The following ADGRG1 variants were observed in gnomAD, a reference collection of about 807,000 sequenced individuals.
ADGRG1 encodes the protein 7-transmembrane protein with no EGF-like N-terminal domains-1.
In ADGRG1, 53 loss-of-function variants were observed where a neutral mutation model predicts 73.5. The observed-to-expected ratio is 0.72, with a 90% CI of 0.58 to 0.91. The LOEUF is 0.91. Ranked by LOEUF, ADGRG1 falls within the 40% of genes least tolerant of loss-of-function variation. The probability of loss-of-function intolerance (pLI) is 0.00; values close to 1 mark genes in which losing one functional copy is unlikely to be tolerated. For missense variants in ADGRG1, 795 were observed against 871.8 expected (o/e 0.91, Z 1.11); for synonymous variants, 394 against 374.4 (o/e 1.05, Z -0.60).
chr16:57,643,441 A>G (rs1281831808), intron 1 of ADGRG1: 1 of 428,378 alleles, frequency 2.3e-6, no homozygotes, highest in East Asian at 1.6e-4. Context: ...GAGTGCCCCA[A>G]CTTCTCCCCT....
intron 1 of ADGRG1, chr16:57,635,479 T>C: frequency 1.0e-6 from 1 of 985,370 alleles, no homozygotes; most frequent in Non-Finnish European, 1.2e-6. Flanking sequence ...TGTCTCTTCA[T>C]GGAGATCCTG....
At chr16:57,658,853 T>G in intron 10 of ADGRG1, 12 of 518,254 alleles carry the variant, frequency 2.3e-5, no homozygotes, top group South Asian at 8.4e-5. Flanking sequence ...GATGGTGCCA[T>G]GAGTTAGGGG....
intron 6 of ADGRG1, 137 bp downstream of exon 6, chr16:57,655,667 GT>G (rs2045534032): frequency 1.3e-6 from 2 of 1,584,980 alleles, no homozygotes; most frequent in South Asian, 1.1e-5. Context: ...GCACTGCAAT[GT>G]GCAAATCTCC....
rs747856449 is a variant in ADGRG1, at chr16:57,663,593, C to T, written c.*11C>T. The stretch of plus-strand genomic sequence containing the variant: ...TCCAGCCGCATCTAGGCCTCCAGCC[C>T]ACCTGCCCATGTGATGAAGCAGAGA... On this transcript the variant is annotated 3_prime_UTR_variant, in exon 14 of 14. Coordinates refer to ENST00000562631, the MANE Select transcript of ADGRG1 (RefSeq NM_201525.4). 5 of 1,612,084 alleles carry T rather than the reference C, an allele frequency of 3.1e-6. No individual in the cohort carries two copies. The highest frequency in any genetic ancestry group is 1.3e-5 in the African/African-American group (1 of 75,066).
At position 57,651,661 on chromosome 16, in the gene ADGRG1, G is replaced by C. The variant is rs781206316; in HGVS notation, c.487+39G>C. On this transcript the variant is annotated intron_variant, in intron 3 of 13. Transcript: ENST00000562631. ...CAGGCGGAGGGAACAACTGGGCAGT[G>C]GTCTAGAGGCAGGGAAGGCAAAATG... 3 of 1,593,824 alleles carry C rather than the reference G, an allele frequency of 1.9e-6. No homozygotes were observed. In the African/African-American group the frequency reaches 4.0e-5, roughly 21 times the overall value.
chr16:57,654,485 A>T (rs1225358191), intron 5 of ADGRG1, among the ~76,000 whole-genome samples: 11 of 138,574 alleles, frequency 7.9e-5, no homozygotes, highest in Admixed American at 2.4e-4. Flanking sequence ...TGGGGTAATC[A>T]TGTCTCACTG....
Position 57,638,489 on chromosome 16 carries a change from C to T in ADGRG1, c.-36+9687C>T, listed in dbSNP as rs995966966. On this transcript the variant is annotated intron_variant, in intron 1 of 13. Coordinates refer to ENST00000562631, the MANE Select transcript of ADGRG1 (RefSeq NM_201525.4). ...AGAATCTGAGCTCCCAGCCCCGCCC[C>T]GGGAGCTCTAGAAGGAAGCCAGGAG... Among the ~76,000 whole-genome samples, 9 of 152,280 alleles carry T rather than the reference C, an allele frequency of 5.9e-5. No homozygotes were observed. The South Asian group carries it at 6.2e-4, about 11-fold the overall frequency.
upstream of ADGRG1, among the ~76,000 whole-genome samples, chr16:57,625,349 G>C (rs1297942625): frequency 1.3e-5 from 2 of 152,032 alleles, no homozygotes; most frequent in Middle Eastern, 3.2e-3. Flanking sequence ...TTCCGGATCT[G>C]CACCCCATCC....
At chr16:57,622,982 A>C (rs1458765103), upstream of ADGRG1, 4 of 985,318 alleles carry the variant, frequency 4.1e-6, no homozygotes, top group Non-Finnish European at 4.8e-6. Context: ...GCTCAAGGCC[A>C]TTTCTTGTTG....
upstream of ADGRG1, chr16:57,627,804 C>T (rs1321351742): frequency 1.0e-6 from 1 of 985,368 alleles, no homozygotes; most frequent in Non-Finnish European, 1.2e-6. Flanking sequence ...GAGAAGGGCA[C>T]TGAACCCCAG....
chr16:57,634,929 A>G, intron 1 of ADGRG1: 1 of 984,358 alleles, frequency 1.0e-6, no homozygotes, highest in South Asian at 4.7e-5. Flanking sequence ...GCTGTCTGGC[A>G]AGGTTCTTCC....
At chr16:57,646,816 T>A (rs1217818777) in intron 1 of ADGRG1, 1 of 826,472 alleles carries the variant, frequency 1.2e-6, no homozygotes, top group Non-Finnish European at 1.5e-6. Context: ...TTCTGAGGGT[T>A]TGGTGTGATA....
At chr16:57,640,497 C>G (rs1416796130) in intron 1 of ADGRG1, among the ~76,000 whole-genome samples, 6 of 152,226 alleles carry the variant, frequency 3.9e-5, no homozygotes, top group Non-Finnish European at 7.3e-5. Flanking sequence ...ACAATCCTGT[C>G]TTGCATTTTC....
intron 12 of ADGRG1, 93 bp downstream of exon 12, chr16:57,660,969 C>T: frequency 2.5e-6 from 2 of 795,784 alleles, no homozygotes; most frequent in African/African-American, 1.7e-5. Flanking sequence ...GGCCAGGGGA[C>T]ACCTGGGTTC....
chr16:57,653,188 C>T lies in ADGRG1; in HGVS notation c.488-15C>T. The T allele has an allele frequency of 1.2e-6, 2 of 1,605,828 alleles. No individual in the cohort carries two copies. The highest frequency in any genetic ancestry group is 1.7e-6 in the Non-Finnish European group (2 of 1,179,852). ...ATCGGCAGCCTCGGCGGGGGCCTGT[C>T]CACCCCTCCCCCAGGTCCTCCCCAC... On this transcript the variant is annotated splice_polypyrimidine_tract_variant and intron_variant, in intron 3 of 13. Coordinates refer to ENST00000562631, the MANE Select transcript of ADGRG1 (RefSeq NM_201525.4).
At chr16:57,650,216 G>A in intron 1 of ADGRG1, 37 bp from the exon 2 acceptor site, 1 of 1,568,894 alleles carries the variant, frequency 6.4e-7, no homozygotes, top group South Asian at 1.1e-5. Context: ...CCACCACACA[G>A]TCCACACTCC....
upstream of ADGRG1, chr16:57,627,886 G>A: frequency 1.0e-6 from 1 of 975,664 alleles, no homozygotes; most frequent in Non-Finnish European, 1.2e-6. Context: ...ACACTTCTCT[G>A]TCTGAGCTTT....
At position 57,641,526 on chromosome 16, in the gene ADGRG1, C is replaced by T. The variant is rs10468288; in HGVS notation, c.-35-8727C>T. On this transcript the variant is annotated intron_variant, in intron 1 of 13. Coordinates refer to ENST00000562631, the MANE Select transcript of ADGRG1 (RefSeq NM_201525.4). ...CAGTGCCTTCCTAATCCCTGTTTCT[C>T]CTTTAGGTTCTAAGTCTCTTCAATC... 0.13 allele frequency: 128,867 copies of T among 983,164 alleles called. 9,083 individuals carry two copies. The highest frequency in any genetic ancestry group is 0.26 in the African/African-American group (14,773 of 56,788). The allele number at this position is 983,164 out of a possible 1,614,324, so 60.9% of individuals were successfully genotyped here.
rs138890826 is a variant in ADGRG1 at position 57,656,574 on chromosome 16, C to T, written c.1124C>T (p.Thr375Ile). The change falls in exon 9 of 14, where the codon ACA becomes ATA. Residue 375 changes from threonine (T) to isoleucine (I), a missense_variant. Physicochemically the swap from Thr to Ile is moderately conservative, Grantham distance 89. Coordinates refer to ENST00000562631, the MANE Select transcript of ADGRG1 (RefSeq NM_201525.4). ...GAGACCGTCAGGAGAGAAACCCAAACATCCTGCTTCTGCAACCACTTGACC... is the reference window on the plus strand; with the variant it reads ...GAGACCGTCAGGAGAGAAACCCAAATATCCTGCTTCTGCAACCACTTGACC... ...GCETVRRETQ[T>I]SCFCNHLTYF... 5 of 1,613,706 alleles carry T rather than the reference C, an allele frequency of 3.1e-6. No individual in the cohort carries two copies. The African/African-American group carries it at 5.3e-5, about 17-fold the overall frequency.
Sources: gnomAD v4.1 joint callset for allele counts (sites outside exome capture counted in the v4.1 genomes callset) on GRCh38, gnomAD v4.1.1 for gene constraint, MANE v1.5 for transcripts, NCBI Gene and HGNC (gene_info 2026-07-23, HGNC 2026-07-21) for gene names.